SHISA9: variants seen among roughly 807,000 people sequenced by gnomAD.
SHISA9 encodes protein shisa-9.
In SHISA9, 13 loss-of-function variants were observed where a neutral mutation model predicts 38.0. The ratio of observed to expected loss-of-function variants is 0.34; its 90% CI spans 0.22 to 0.54. SHISA9 has a LOEUF of 0.54. Ranked by LOEUF, SHISA9 falls within the 20% of genes least tolerant of loss-of-function variation. SHISA9 has a pLI of 0.91. For missense variants in SHISA9, 538 were observed against 575.8 expected (o/e 0.93, Z 0.67); for synonymous variants, 275 against 242.0 (o/e 1.14, Z -1.27).
At chr16:13,489,796 C>A in the SHISA9 span, among the ~76,000 whole-genome samples, 1 of 152,152 alleles carries the variant, frequency 6.6e-6, no homozygotes, top group Non-Finnish European at 1.5e-5. Context: ...GAGATAGATT[C>A]TATTATCTTC....
the SHISA9 span, among the ~76,000 whole-genome samples, chr16:13,496,868 A>G: frequency 6.6e-6 from 1 of 152,208 alleles, no homozygotes; most frequent in Non-Finnish European, 1.5e-5. Flanking sequence ...CTATCTATAT[A>G]TAAAGATTTG....
the SHISA9 span, among the ~76,000 whole-genome samples, chr16:13,555,058 G>T: frequency 6.6e-6 from 1 of 152,188 alleles, no homozygotes; most frequent in Non-Finnish European, 1.5e-5. Context: ...TCAAACATCA[G>T]ATTTCTGGTA....
At position 13,240,298 on chromosome 16, in the gene SHISA9, T is replaced by C. The variant is rs2051424441; in HGVS notation, c.*4889T>C. 2 of 152,256 alleles carry C rather than the reference T, an allele frequency of 1.3e-5. No homozygotes were observed. Among genetic ancestry groups the C allele is most frequent in the African/African-American group, 4.8e-5 (2 of 41,470 alleles). 9.4% of individuals were successfully genotyped at this position (152,256 alleles called of 1,614,324 possible). A position where few individuals can be genotyped will look rare whatever the true frequency, so the allele number is the denominator to read the frequency against. On this transcript the variant is annotated 3_prime_UTR_variant, in exon 5 of 5. Coordinates refer to ENST00000558583, the MANE Select transcript of SHISA9 (RefSeq NM_001145204.3). Reference sequence around the variant, plus strand: ...GCAGAGTTTATGATACGAATAATTCTTCCTACAATGAAGAAAAAAACACAT... The same window carrying C: ...GCAGAGTTTATGATACGAATAATTCCTCCTACAATGAAGAAAAAAACACAT...
At chr16:13,043,415 G>C (rs1014623013) in intron 2 of SHISA9, among the ~76,000 whole-genome samples, 1 of 152,206 alleles carries the variant, frequency 6.6e-6, no homozygotes, top group African/African-American at 2.4e-5. Flanking sequence ...CCCACCACGG[G>C]AGGGTATTTG....
chr16:12,906,412 G>C (rs1269293100), intron 1 of SHISA9, among the ~76,000 whole-genome samples: 1 of 152,086 alleles, frequency 6.6e-6, no homozygotes, highest in East Asian at 1.9e-4. Flanking sequence ...CTTGCTTCTG[G>C]GCTAATTAGG....
At chr16:13,166,868 A>G (rs1427550313) in intron 2 of SHISA9, among the ~76,000 whole-genome samples, 1 of 152,132 alleles carries the variant, frequency 6.6e-6, no homozygotes, top group African/African-American at 2.4e-5. Context: ...TAGCTAATGC[A>G]TGCTGTGCTT....
chr16:13,034,748 G>A (rs201867845), intron 2 of SHISA9, among the ~76,000 whole-genome samples: 4 of 152,170 alleles, frequency 2.6e-5, no homozygotes, highest in South Asian at 2.1e-4. Flanking sequence ...GCCTATAGCT[G>A]AAGAACGCTT....
At chr16:12,989,498 G>A (rs1166700754) in intron 2 of SHISA9, among the ~76,000 whole-genome samples, 1 of 152,030 alleles carries the variant, frequency 6.6e-6, no homozygotes, top group Non-Finnish European at 1.5e-5. Context: ...AATTTTTTAT[G>A]AGTGTGGCTC....
At chr16:13,477,742 A>G in the SHISA9 span, among the ~76,000 whole-genome samples, 1 of 152,216 alleles carries the variant, frequency 6.6e-6, no homozygotes, top group African/African-American at 2.4e-5. Context: ...AGGCAGGTGG[A>G]TCACTTGAGG....
the SHISA9 span, among the ~76,000 whole-genome samples, chr16:13,298,299 C>A: frequency 1.3e-5 from 2 of 152,222 alleles, no homozygotes; most frequent in South Asian, 4.2e-4. Flanking sequence ...GATGATCAAA[C>A]TCCTATAGGG....
chr16:13,455,838 T>G, the SHISA9 span, among the ~76,000 whole-genome samples: 2 of 152,112 alleles, frequency 1.3e-5, no homozygotes, highest in Non-Finnish European at 2.9e-5. Context: ...TGAAGGGAAG[T>G]TGATATGGAG....
At chr16:13,157,877 G>C (rs1462517582) in intron 2 of SHISA9, among the ~76,000 whole-genome samples, 1 of 152,146 alleles carries the variant, frequency 6.6e-6, no homozygotes, top group African/African-American at 2.4e-5. Context: ...TTCATAAAAG[G>C]CTGCTCAAGG....
intron 2 of SHISA9, among the ~76,000 whole-genome samples, chr16:13,021,223 T>C (rs542399129): frequency 1.0e-3 from 153 of 152,286 alleles, no homozygotes; most frequent in African/African-American, 3.6e-3. Context: ...AGACATTTTT[T>C]ATTGTTACCA....
chr16:13,287,782 C>T, the SHISA9 span, among the ~76,000 whole-genome samples: 1 of 152,158 alleles, frequency 6.6e-6, no homozygotes, highest in Non-Finnish European at 1.5e-5. Flanking sequence ...TTCAGCTGAA[C>T]AATGATAGTC....
intron 2 of SHISA9, among the ~76,000 whole-genome samples, chr16:13,018,243 C>T (rs1339398255): frequency 6.6e-6 from 1 of 152,220 alleles, no homozygotes; most frequent in Non-Finnish European, 1.5e-5. Flanking sequence ...CGTGGCTTCC[C>T]TTTGTCATTC....
At chr16:13,303,767 A>G in the SHISA9 span, among the ~76,000 whole-genome samples, 1 of 152,298 alleles carries the variant, frequency 6.6e-6, no homozygotes, top group African/African-American at 2.4e-5. Context: ...CCAAATTTTT[A>G]AAAAAGGAAT....
intron 2 of SHISA9, among the ~76,000 whole-genome samples, chr16:13,151,177 C>T (rs1014107316): frequency 2.4e-4 from 37 of 152,042 alleles, no homozygotes; most frequent in Non-Finnish European, 2.8e-4. Flanking sequence ...TGCAATCTCA[C>T]CTCACTGCAA....
chr16:13,434,503 C>T, the SHISA9 span, among the ~76,000 whole-genome samples: 2 of 148,392 alleles, frequency 1.3e-5, no homozygotes, highest in Admixed American at 7.0e-5. Context: ...CTGCAAGCTC[C>T]GCCTCCCAGG....
chr16:12,946,858 G>A (rs1025229595), intron 2 of SHISA9, among the ~76,000 whole-genome samples: 4 of 152,236 alleles, frequency 2.6e-5, no homozygotes, highest in African/African-American at 4.8e-5. Flanking sequence ...ACAGCCCATG[G>A]GGGAATTCCT....
Sources: allele counts gnomAD v4.1 joint callset (sites outside exome capture counted in the v4.1 genomes callset), GRCh38; gene constraint gnomAD v4.1.1; transcripts MANE v1.5; gene names NCBI Gene and HGNC (gene_info 2026-07-23, HGNC 2026-07-21).